Variants in MAP2 observed in about 807,000 individuals in gnomAD.
The protein encoded by MAP2 is microtubule-associated protein 2.
Under a neutral mutation model 137.6 loss-of-function variants are expected in MAP2, and 14 were observed. The ratio of observed to expected loss-of-function variants is 0.10; its 90% CI spans 0.07 to 0.16. The LOEUF is 0.16. Among genes scored for constraint, MAP2 ranks in the 10% least tolerant of loss-of-function variants. The probability of loss-of-function intolerance (pLI) is 1.00; values close to 1 mark genes in which losing one functional copy is unlikely to be tolerated. For synonymous variants in MAP2, 786 were observed against 782.3 expected (o/e 1.00, Z -0.08); for missense variants, 2,088 against 2,191.5 (o/e 0.95, Z 0.94).
intron 2 of MAP2, among the ~76,000 whole-genome samples, chr2:209,567,472 A>G (rs2073687157): frequency 6.6e-6 from 1 of 152,128 alleles, no homozygotes; most frequent in African/African-American, 2.4e-5. Flanking sequence ...GTAGCTCAAG[A>G]AAAAGGTCAG....
chr2:209,653,386 G>T lies in MAP2; in HGVS notation c.216G>T (p.Glu72Asp). Reference sequence around the variant, plus strand: ...AGGGCACCTATTCAAATACCAAAGAGAATGGGATCAACGGAGAGCTGACCT... The same window carrying T: ...AGGGCACCTATTCAAATACCAAAGATAATGGGATCAACGGAGAGCTGACCT... ...GSQGTYSNTK[E>D]NGINGELTSA... Residue 72 changes from glutamate to aspartate, a missense_variant, in exon 5 of 16, where the codon GAG (glutamate) becomes GAT (aspartate). Glu to Asp is a conservative substitution (Grantham distance 45, BLOSUM62 2). Coordinates refer to ENST00000682079, the MANE Select transcript of MAP2 (RefSeq NM_001375505.1). 1 of 1,613,502 alleles carries T rather than the reference G, an allele frequency of 6.2e-7. No individual in the cohort carries two copies.
At chr2:209,431,942 C>T (rs1374999072) in intron 1 of MAP2, among the ~76,000 whole-genome samples, 1 of 152,138 alleles carries the variant, frequency 6.6e-6, no homozygotes, top group Non-Finnish European at 1.5e-5. Context: ...GCTACTGCTC[C>T]AGGGCCATTC....
chr2:209,445,783 A>T (rs1698906885), intron 1 of MAP2, among the ~76,000 whole-genome samples: 1 of 151,738 alleles, frequency 6.6e-6, no homozygotes, highest in South Asian at 2.1e-4. Context: ...ATTTGCATTG[A>T]GGTATTAGGC....
chr2:209,568,014 T>C, intron 2 of MAP2, among the ~76,000 whole-genome samples: 1 of 151,932 alleles, frequency 6.6e-6, no homozygotes, highest in Non-Finnish European at 1.5e-5. Flanking sequence ...TTTGGAACTT[T>C]CATGCACATG....
rs533654417 is a variant in MAP2, at chr2:209,546,625, A to C, written c.-171-33411A>C. ...TGGAAAGTAGATGAGACAACAGGAG[A>C]TGTTTCAGGCACAGATCCTGGGACT... is the stretch of plus-strand genomic sequence containing the variant. On this transcript the variant is annotated intron_variant, in intron 2 of 15. Transcript: ENST00000682079. Among the ~76,000 whole-genome samples the C allele has an allele frequency of 6.7e-4, 102 of 152,306 alleles. 1 individual carries two copies. In the South Asian group the frequency reaches 0.019, roughly 29 times the overall value.
At chr2:209,635,571 C>T (rs946535037) in intron 4 of MAP2, among the ~76,000 whole-genome samples, 2 of 152,084 alleles carry the variant, frequency 1.3e-5, no homozygotes, top group Non-Finnish European at 2.9e-5. Context: ...TTACTATTTA[C>T]GTGGAGGGTA....
chr2:209,481,536 A>G (rs951812009), intron 1 of MAP2, among the ~76,000 whole-genome samples: 1 of 152,226 alleles, frequency 6.6e-6, no homozygotes, highest in East Asian at 1.9e-4. Flanking sequence ...AATGGAGTCC[A>G]TGGATTGACC....
chr2:209,455,251 A>C (rs1046823498), intron 1 of MAP2, among the ~76,000 whole-genome samples: 1 of 152,232 alleles, frequency 6.6e-6, no homozygotes, highest in African/African-American at 2.4e-5. Flanking sequence ...ACCTTACTTT[A>C]CAAATGAAGA....
rs543826917 is a variant in MAP2, at chr2:209,547,469, G to A, written c.-171-32567G>A. ...GAGTGCCAAATAATCAGACATTTAC[G>A]TTACAGCAAAACGTAAAATACCGGC... On this transcript the variant is annotated intron_variant, in intron 2 of 15. Transcript: ENST00000682079. Among the ~76,000 whole-genome samples the A allele has an allele frequency of 7.2e-5, 11 of 152,048 alleles. No homozygotes were observed. In the East Asian group the frequency reaches 1.2e-3, roughly 16 times the overall value.
intron 3 of MAP2, among the ~76,000 whole-genome samples, chr2:209,622,664 T>C (rs992991): frequency 0.068 from 10,189 of 150,734 alleles, 817 homozygotes; most frequent in South Asian, 0.23. Context: ...GTTAAAGTAA[T>C]TTAATGCTAT....
At chr2:209,523,420 G>A (rs7577194) in intron 2 of MAP2, among the ~76,000 whole-genome samples, 2 of 152,092 alleles carry the variant, frequency 1.3e-5, no homozygotes, top group Non-Finnish European at 1.5e-5. Flanking sequence ...TTGGATTGCT[G>A]TTACTATTCC....
chr2:209,634,280 T>C (rs1274939832), intron 4 of MAP2, among the ~76,000 whole-genome samples: 1 of 152,184 alleles, frequency 6.6e-6, no homozygotes, highest in Non-Finnish European at 1.5e-5. Context: ...GAAAATCTCA[T>C]TATACTTTTC....
At chr2:209,730,015 A>T (rs752581049) in intron 15 of MAP2, 53 bp downstream of exon 15, 124 of 1,360,998 alleles carry the variant, frequency 9.1e-5, no homozygotes, top group Non-Finnish European at 1.2e-4. Context: ...AATTCTTCTG[A>T]AATACTCTTC....
At chr2:209,554,879 A>G (rs1294080743) in intron 2 of MAP2, among the ~76,000 whole-genome samples, 1 of 148,370 alleles carries the variant, frequency 6.7e-6, no homozygotes, top group African/African-American at 2.4e-5. Context: ...AATATTATAT[A>G]TATATAATTT....
At chr2:209,723,776 A>G (rs2284359) in intron 13 of MAP2, 1 of 831,582 alleles carries the variant, frequency 1.2e-6, no homozygotes, top group Non-Finnish European at 2.1e-6. Flanking sequence ...ACCTCTTTCC[A>G]ACACACTGCT....
chr2:209,509,010 A>G (rs2061419530), intron 2 of MAP2, among the ~76,000 whole-genome samples: 1 of 151,964 alleles, frequency 6.6e-6, no homozygotes, highest in South Asian at 2.1e-4. Context: ...TAAAGTATAC[A>G]TCATTGAATC....
intron 3 of MAP2, among the ~76,000 whole-genome samples, chr2:209,588,144 A>G (rs2078254321): frequency 6.6e-6 from 1 of 152,140 alleles, no homozygotes; most frequent in African/African-American, 2.4e-5. Flanking sequence ...TCTTTCCATA[A>G]TGGACAGCAC....
intron 2 of MAP2, among the ~76,000 whole-genome samples, chr2:209,519,660 C>T (rs572160641): frequency 2.5e-4 from 38 of 152,046 alleles, no homozygotes; most frequent in Non-Finnish European, 4.9e-4. Flanking sequence ...AAAGCAGTCT[C>T]TATCTACCCT....
At chr2:209,586,437 A>C (rs1329076363) in intron 3 of MAP2, among the ~76,000 whole-genome samples, 1 of 152,168 alleles carries the variant, frequency 6.6e-6, no homozygotes, top group Non-Finnish European at 1.5e-5. Flanking sequence ...GAAACCTTGC[A>C]TATCTCATCT....
Sources: allele counts gnomAD v4.1 joint callset (sites outside exome capture counted in the v4.1 genomes callset), GRCh38; gene constraint gnomAD v4.1.1; transcripts MANE v1.5; gene names NCBI Gene and HGNC (gene_info 2026-07-23, HGNC 2026-07-21).